MACROD1: variants seen among roughly 807,000 people sequenced by gnomAD.
MACROD1 encodes mono-ADP ribosylhydrolase 1.
In MACROD1, 31 loss-of-function variants were observed where a neutral mutation model predicts 41.4. The ratio of observed to expected loss-of-function variants is 0.75; its 90% CI spans 0.56 to 1.01. MACROD1 has a LOEUF of 1.01. MACROD1 is among the 50% of genes least tolerant of loss of function. The probability of loss-of-function intolerance (pLI) is 0.00; values close to 1 mark genes in which losing one functional copy is unlikely to be tolerated. For synonymous variants in MACROD1, 252 were observed against 203.4 expected (o/e 1.24, Z -2.03); for missense variants, 473 against 460.0 (o/e 1.03, Z -0.26).
chr11:64,151,424 A>T, intron 2 of MACROD1, 69 bp from the exon 3 acceptor site: 1 of 1,170,980 alleles, frequency 8.5e-7, no homozygotes, highest in Non-Finnish European at 1.3e-6. Flanking sequence ...GCCAGGGCCC[A>T]GGGGCCAGGG....
intron 3 of MACROD1, among the ~76,000 whole-genome samples, chr11:64,077,806 G>A (rs1009969229): frequency 7.9e-5 from 12 of 152,352 alleles, no homozygotes; most frequent in East Asian, 3.9e-4. Context: ...TCCGGCCGCC[G>A]CTCGGACATT....
intron 3 of MACROD1, among the ~76,000 whole-genome samples, chr11:64,074,645 C>G (rs533252099): frequency 1.3e-5 from 2 of 152,336 alleles, no homozygotes; most frequent in Non-Finnish European, 2.9e-5. Flanking sequence ...GGGCTGTGCC[C>G]TTACAGCATG....
Position 64,000,223 on chromosome 11 carries a change from TCA to T in MACROD1, c.664+2_664+3del. 6.2e-7 allele frequency: 1 copy of T among 1,603,348 alleles called. No individual in the cohort carries two copies. The highest frequency in any genetic ancestry group is 8.5e-7 in the Non-Finnish European group (1 of 1,175,968). ...CCACAGCTGGGGGCGCGTCGGGGAC[TCA>T]CACTTGGCCGGGAGCCGATAGCCGC... On this transcript the variant is annotated splice_donor_variant and splice_donor_region_variant and intron_variant, in intron 5 of 10. Coordinates refer to ENST00000255681, the MANE Select transcript of MACROD1 (RefSeq NM_014067.4). LOFTEE classifies it high-confidence loss of function.
chr11:64,140,199 G>A (rs1276687780), intron 3 of MACROD1, among the ~76,000 whole-genome samples: 1 of 152,158 alleles, frequency 6.6e-6, no homozygotes, highest in East Asian at 1.9e-4. Flanking sequence ...GGCTTCTCTG[G>A]GGACATCCCC....
At chr11:64,039,279 G>C (rs1461121502) in intron 3 of MACROD1, among the ~76,000 whole-genome samples, 3 of 152,184 alleles carry the variant, frequency 2.0e-5, no homozygotes, top group African/African-American at 7.2e-5. Flanking sequence ...CCTATAGTGG[G>C]GTGGGTGGGG....
chr11:64,111,894 G>C (rs1944869993), intron 3 of MACROD1, among the ~76,000 whole-genome samples: 1 of 152,190 alleles, frequency 6.6e-6, no homozygotes, highest in Non-Finnish European at 1.5e-5. Flanking sequence ...AGGAGAGTGG[G>C]CATCTCCATG....
intron 1 of MACROD1, 122 bp downstream of exon 1, chr11:64,165,574 TG>T: frequency 2.4e-6 from 2 of 848,968 alleles, no homozygotes; most frequent in Non-Finnish European, 1.7e-6. Flanking sequence ...CCAGGGCAGA[TG>T]GGGCCTCAAC....
chr11:64,022,077 G>T (rs909634453), intron 3 of MACROD1, among the ~76,000 whole-genome samples: 3 of 151,890 alleles, frequency 2.0e-5, no homozygotes, highest in African/African-American at 7.3e-5. Context: ...GACCTCAGGG[G>T]CTGAGGAGCA....
chr11:64,146,095 C>T lies in MACROD1; in HGVS notation c.517+5144G>A, dbSNP rs1437190180. 3.9e-5 allele frequency among the ~76,000 whole-genome samples: 6 copies of T among 152,166 alleles called. No homozygotes were observed. The highest frequency in any genetic ancestry group is 3.9e-4 in the East Asian group (2 of 5,190). On this transcript the variant is annotated intron_variant, in intron 3 of 10. Transcript: ENST00000255681. The surrounding 1 kb of genome is among the most constrained non-coding windows in gnomAD (Gnocchi z 4.7). ...AAGAATGGGGATCTTTCTTTGTGCC[C>T]GGACATGTCCTGCCCAGGACTCTGC...
In MACROD1 at chr11:63,998,685, G is replaced by C; in HGVS notation, c.*33C>G. 1 of 1,345,734 alleles carries C rather than the reference G, an allele frequency of 7.4e-7. No homozygotes were observed. The highest frequency in any genetic ancestry group is 9.5e-7 in the Non-Finnish European group (1 of 1,052,198). 83.4% of individuals were successfully genotyped at this position (1,345,734 alleles called of 1,614,324 possible). On this transcript the variant is annotated splice_region_variant and 3_prime_UTR_variant, in exon 11 of 11. Coordinates refer to ENST00000255681, the MANE Select transcript of MACROD1 (RefSeq NM_014067.4). ...AGCTGGGAGCGGGGTCCCGAAGGCGGGTCTGAGGGCAGAGCAGAGTCAGAG... is the reference window on the plus strand; with the variant it reads ...AGCTGGGAGCGGGGTCCCGAAGGCGCGTCTGAGGGCAGAGCAGAGTCAGAG...
rs756943299 is a variant in MACROD1, at chr11:64,067,432, C to T, written c.518-52151G>A. Among the ~76,000 whole-genome samples the T allele has an allele frequency of 7.2e-5, 11 of 152,186 alleles. No individual in the cohort carries two copies. Among genetic ancestry groups the T allele is most frequent in the Non-Finnish European group, 1.2e-4 (8 of 68,034 alleles). ...CCTTTCAGCTCACAAATCATGCCCC[C>T]GGCCCAGGTGACAGCCAGCACAGAC... On this transcript the variant is annotated intron_variant, in intron 3 of 10. Coordinates refer to ENST00000255681, the MANE Select transcript of MACROD1 (RefSeq NM_014067.4). This position sits in a 1 kb window ranked among gnomAD's most constrained non-coding sequence, Gnocchi z 4.6.
chr11:64,107,256 C>T (rs753861984), intron 3 of MACROD1, among the ~76,000 whole-genome samples: 2 of 152,236 alleles, frequency 1.3e-5, no homozygotes, highest in Non-Finnish European at 2.9e-5. Context: ...TGGACACAGA[C>T]AGACAGAAAT....
chr11:64,094,715 A>C (rs1250937105), intron 3 of MACROD1, among the ~76,000 whole-genome samples: 1 of 152,216 alleles, frequency 6.6e-6, no homozygotes, highest in Non-Finnish European at 1.5e-5. Flanking sequence ...GGCTGACCAC[A>C]GAGGCCAGAG....
At chr11:64,158,321 T>TGAGG (rs1326888510) in intron 1 of MACROD1, among the ~76,000 whole-genome samples, 1 of 152,160 alleles carries the variant, frequency 6.6e-6, no homozygotes, top group Admixed American at 6.5e-5. Flanking sequence ...GAGACAGGCC[T>TGAGG]GAGGGCCTGA....
At chr11:64,080,670 A>G (rs1256963496) in intron 3 of MACROD1, among the ~76,000 whole-genome samples, 1 of 152,194 alleles carries the variant, frequency 6.6e-6, no homozygotes, top group Non-Finnish European at 1.5e-5. Flanking sequence ...CATCCACTAC[A>G]CAGACCTCAA....
intron 3 of MACROD1, among the ~76,000 whole-genome samples, chr11:64,078,497 G>C (rs914843181): frequency 3.3e-5 from 5 of 152,312 alleles, no homozygotes; most frequent in East Asian, 3.9e-4. Context: ...ATTCCACCCC[G>C]GCCTCCCCTT....
At chr11:64,145,885 G>A (rs1001689050) in intron 3 of MACROD1, among the ~76,000 whole-genome samples, 10 of 151,994 alleles carry the variant, frequency 6.6e-5, no homozygotes, top group Non-Finnish European at 7.4e-5. Context: ...TTCTTCTGCC[G>A]CAGCCTCCTG....
intron 3 of MACROD1, among the ~76,000 whole-genome samples, chr11:64,081,067 G>A (rs1356865399): frequency 1.3e-5 from 2 of 152,124 alleles, no homozygotes; most frequent in African/African-American, 4.8e-5. Context: ...TGTCCCCTAG[G>A]CTGGAGTGCA....
At chr11:64,010,136 G>A (rs1942980678) in intron 4 of MACROD1, among the ~76,000 whole-genome samples, 1 of 150,720 alleles carries the variant, frequency 6.6e-6, no homozygotes, top group Non-Finnish European at 1.5e-5. Flanking sequence ...TTGGGGGGTT[G>A]GTTGGGGTGT....
Sources: allele counts gnomAD v4.1 joint callset (sites outside exome capture counted in the v4.1 genomes callset), GRCh38; gene constraint gnomAD v4.1.1; non-coding constraint Gnocchi (gnomAD v3.1); transcripts MANE v1.5; gene names NCBI Gene and HGNC (gene_info 2026-07-23, HGNC 2026-07-21).